OPHN1: variants seen among roughly 807,000 people sequenced by gnomAD.
OPHN1 encodes oligophrenin 1, also known as oligophrenin-1.
In OPHN1, 11 loss-of-function variants were observed where a neutral mutation model predicts 60.7. The ratio of observed to expected loss-of-function variants is 0.18; its 90% CI spans 0.11 to 0.30. The LOEUF (loss-of-function observed/expected upper bound fraction) is 0.30. Among genes scored for constraint, OPHN1 ranks in the 10% least tolerant of loss-of-function variants. The pLI, the probability that OPHN1 is intolerant of heterozygous loss-of-function variation, is 1.00. For missense variants in OPHN1, 449 were observed against 611.0 expected, an observed-to-expected ratio of 0.73 and a Z score of 2.80; for synonymous variants, 226 against 222.6, an observed-to-expected ratio of 1.02 and a Z score of -0.14.
intron 15 of OPHN1, among the ~76,000 whole-genome samples, chrX:68,161,813 G>C (rs2077335820): frequency 9.0e-6 from 1 of 111,212 alleles, no homozygotes; most frequent in African/African-American, 3.3e-5. Flanking sequence ...AAACCTGAAA[G>C]CAGCAATAAA....
intron 2 of OPHN1, among the ~76,000 whole-genome samples, chrX:68,377,210 C>A (rs752121736): frequency 1.2e-3 from 124 of 107,308 alleles, no homozygotes; most frequent in African/African-American, 3.5e-3. Context: ...TGTTCTCCTG[C>A]CTCAGCCTCC....
intron 18 of OPHN1, among the ~76,000 whole-genome samples, chrX:68,107,864 T>C (rs760199044): frequency 8.9e-6 from 1 of 112,143 alleles, no homozygotes; most frequent in East Asian, 2.8e-4. Context: ...TTGTTTTTTA[T>C]TTGTGATTAG....
chrX:68,228,340 C>A (rs1476443549), intron 6 of OPHN1, among the ~76,000 whole-genome samples: 3 of 111,475 alleles, frequency 2.7e-5, no homozygotes, highest in Non-Finnish European at 5.7e-5. Context: ...CAAGGAGGAG[C>A]TGGTACCATT....
At chrX:68,052,455 G>C in intron 23 of OPHN1, 85 bp downstream of exon 23, 1 of 867,793 alleles carries the variant, frequency 1.2e-6, no homozygotes, top group Non-Finnish European at 1.7e-6. Flanking sequence ...AAAAGAGAAA[G>C]ATGTTAGAGT....
intron 2 of OPHN1, among the ~76,000 whole-genome samples, chrX:68,362,468 A>G (rs1192867153): frequency 8.9e-6 from 1 of 112,125 alleles, no homozygotes; most frequent in Non-Finnish European, 1.9e-5. Context: ...ATAGATAATA[A>G]CAATGTCTTG....
intron 23 of OPHN1, among the ~76,000 whole-genome samples, chrX:68,048,746 A>T (rs1388783851): frequency 2.7e-5 from 3 of 112,102 alleles, no homozygotes; most frequent in African/African-American, 9.7e-5. Flanking sequence ...CAGACCACGA[A>T]CTACATTCTG....
At chrX:68,068,210 G>T (rs2076919930) in intron 20 of OPHN1, among the ~76,000 whole-genome samples, 1 of 110,727 alleles carries the variant, frequency 9.0e-6, no homozygotes, top group African/African-American at 3.3e-5. Context: ...AGTGGCTCAT[G>T]CCTGTAATCC....
intron 4 of OPHN1, among the ~76,000 whole-genome samples, chrX:68,279,601 C>T (rs549151486): frequency 2.7e-5 from 3 of 111,241 alleles, no homozygotes; most frequent in Admixed American, 9.6e-5. Flanking sequence ...GGATAAAATG[C>T]AATATAAGAC....
intron 2 of OPHN1, among the ~76,000 whole-genome samples, chrX:68,328,497 A>ATT (rs2078279286): frequency 8.9e-6 from 1 of 112,701 alleles, no homozygotes; most frequent in South Asian, 3.6e-4. Context: ...AATTTCTTAA[A>ATT]TAAGATGCAA....
At chrX:68,154,338 T>C (rs1346504684) in intron 15 of OPHN1, among the ~76,000 whole-genome samples, 1 of 112,521 alleles carries the variant, frequency 8.9e-6, no homozygotes, top group African/African-American at 3.2e-5. Context: ...AGAGCCCCTT[T>C]CACCTATTCA....
At chrX:68,368,858 T>C (rs1450545106) in intron 2 of OPHN1, among the ~76,000 whole-genome samples, 1 of 112,011 alleles carries the variant, frequency 8.9e-6, no homozygotes, top group African/African-American at 3.2e-5. Flanking sequence ...AGATATAGTC[T>C]TTGCAGAAGT....
chrX:68,117,605 G>C (rs2077132680), intron 16 of OPHN1, among the ~76,000 whole-genome samples: 1 of 111,825 alleles, frequency 8.9e-6, no homozygotes, highest in Non-Finnish European at 1.9e-5. Context: ...CGGAAAAAGA[G>C]CCAGTTGAAT....
chrX:68,323,791 G>A (rs2078246372), intron 2 of OPHN1, among the ~76,000 whole-genome samples: 1 of 112,017 alleles, frequency 8.9e-6, no homozygotes, highest in Admixed American at 9.6e-5. Context: ...TATACATCAT[G>A]ATTACGTATG....
chrX:68,233,189 A>G (rs777950368), intron 6 of OPHN1, among the ~76,000 whole-genome samples: 120 of 111,475 alleles, frequency 1.1e-3, no homozygotes, highest in Middle Eastern at 4.7e-3. Flanking sequence ...TGGCCGCCCA[A>G]AATGCTGGGA....
intron 18 of OPHN1, among the ~76,000 whole-genome samples, chrX:68,108,342 A>C (rs1013328112): frequency 1.8e-5 from 2 of 112,108 alleles, no homozygotes; most frequent in Non-Finnish European, 3.8e-5. Flanking sequence ...AAAACAAAAA[A>C]CTGGGCACTA....
intron 6 of OPHN1, among the ~76,000 whole-genome samples, chrX:68,217,339 GCGAGGCTGGGGGAGGGGCGCCCGC>G (rs2147491078): frequency 9.0e-6 from 1 of 111,713 alleles, no homozygotes; most frequent in Non-Finnish European, 1.9e-5. Flanking sequence ...CAAGGCGGCA[GCGAGGCTGGGGGAGGGGCGCCCGC>G]CATTGCCCAG....
chrX:68,273,918 T>C (rs906848675), intron 5 of OPHN1, among the ~76,000 whole-genome samples: 12 of 111,938 alleles, frequency 1.1e-4, no homozygotes, highest in South Asian at 7.6e-4. Flanking sequence ...TGGTGAAGTC[T>C]CAGGAAACAA....
At chrX:68,402,029 G>C (rs911359999) in intron 2 of OPHN1, among the ~76,000 whole-genome samples, 1 of 111,825 alleles carries the variant, frequency 8.9e-6, no homozygotes, top group Non-Finnish European at 1.9e-5. Flanking sequence ...GAAGTGGCAT[G>C]ATGAGTGCTT....
At chrX:68,266,795 G>A in intron 5 of OPHN1, among the ~76,000 whole-genome samples, 1 of 111,145 alleles carries the variant, frequency 9.0e-6, no homozygotes, top group African/African-American at 3.3e-5. Flanking sequence ...CTCTCGTGCA[G>A]AGACACACAT....
Sources: gnomAD v4.1 joint callset for allele counts (sites outside exome capture counted in the v4.1 genomes callset) on GRCh38, gnomAD v4.1.1 for gene constraint, MANE v1.5 for transcripts, NCBI Gene and HGNC (gene_info 2026-07-23, HGNC 2026-07-21) for gene names.